The following CCDC50 variants were observed in gnomAD, a reference collection of about 807,000 sequenced individuals.
CCDC50 encodes coiled-coil domain containing 50, also known as coiled-coil domain-containing protein 50.
CCDC50 carries 54 observed loss-of-function variants against 70.2 expected under a neutral mutation model. That is an observed-to-expected ratio of 0.77 (90% CI 0.62 to 0.96). The LOEUF is 0.96. Among genes scored for constraint, CCDC50 ranks in the 50% least tolerant of loss-of-function variants. CCDC50 has a pLI of 0.00. For missense variants in CCDC50, 558 were observed against 578.7 expected (o/e 0.96, Z 0.37); for synonymous variants, 216 against 198.8 (o/e 1.09, Z -0.73).
chr3:191,360,045 A>G (rs1018600659), intron 3 of CCDC50, among the ~76,000 whole-genome samples: 1 of 152,206 alleles, frequency 6.6e-6, no homozygotes, highest in African/African-American at 2.4e-5. Flanking sequence ...CTAGAAGGGA[A>G]GTCTTTCAGT....
intron 1 of CCDC50, 49 bp downstream of exon 1, chr3:191,329,772 C>G (rs753595322): frequency 4.4e-6 from 7 of 1,582,632 alleles, no homozygotes; most frequent in South Asian, 1.2e-5. Flanking sequence ...TCTCCCAGCC[C>G]GAGGTTCTCT....
intron 10 of CCDC50, among the ~76,000 whole-genome samples, chr3:191,384,316 A>T (rs1246205478): frequency 1.3e-5 from 2 of 152,190 alleles, no homozygotes; most frequent in African/African-American, 4.8e-5. Context: ...GAATTTTATG[A>T]AACCTGTATT....
intron 1 of CCDC50, among the ~76,000 whole-genome samples, chr3:191,344,242 A>G (rs1711830590): frequency 6.6e-6 from 1 of 152,206 alleles, no homozygotes; most frequent in Admixed American, 6.5e-5. Context: ...CCAGTTGTCT[A>G]AATTAGTTCT....
At chr3:191,387,894 C>T (rs1053851083) in intron 10 of CCDC50, among the ~76,000 whole-genome samples, 1 of 152,022 alleles carries the variant, frequency 6.6e-6, no homozygotes, top group Non-Finnish European at 1.5e-5. Context: ...AACTACTAAC[C>T]CTGTTTTCTT....
chr3:191,368,359 C>T (rs1042734976), intron 4 of CCDC50, among the ~76,000 whole-genome samples: 3 of 151,982 alleles, frequency 2.0e-5, no homozygotes, highest in Admixed American at 2.0e-4. Flanking sequence ...GAAACTATTG[C>T]ATGGACATTT....
intron 1 of CCDC50, among the ~76,000 whole-genome samples, chr3:191,345,778 G>A (rs543927623): frequency 5.1e-4 from 78 of 152,250 alleles, no homozygotes; most frequent in African/African-American, 1.7e-3. Context: ...GATAAATTAC[G>A]TGAGAATGAA....
chr3:191,355,239 G>A (rs1712238384), intron 1 of CCDC50, among the ~76,000 whole-genome samples: 1 of 152,024 alleles, frequency 6.6e-6, no homozygotes, highest in African/African-American at 2.4e-5. Flanking sequence ...AGCTTTTCCA[G>A]TATAATAAAG....
At chr3:191,378,585 A>G (rs753520404) in intron 6 of CCDC50, among the ~76,000 whole-genome samples, 1 of 152,118 alleles carries the variant, frequency 6.6e-6, no homozygotes, top group Non-Finnish European at 1.5e-5. Context: ...ATAGCAGACT[A>G]TCTTGTCCAC....
intron 1 of CCDC50, among the ~76,000 whole-genome samples, chr3:191,338,958 G>T (rs1711614916): frequency 1.3e-5 from 2 of 152,256 alleles, no homozygotes; most frequent in South Asian, 4.2e-4. Flanking sequence ...TTCTTAGATA[G>T]TATTGGGTTC....
rs1335722682 is a variant in CCDC50, at chr3:191,370,037, G to A, written c.448+1G>A. The A allele has an allele frequency of 1.3e-6, 2 of 1,556,592 alleles. No individual in the cohort carries two copies. Among genetic ancestry groups the A allele is most frequent in the African/African-American group, 1.4e-5 (1 of 73,728 alleles). ...GATAGTTACTATTATGAAGATGGAG[G>A]TAACAATTCCTGCATCATGATCTAT... On this transcript the variant is annotated splice_donor_variant, in intron 5 of 11. Coordinates refer to ENST00000392455, the MANE Select transcript of CCDC50 (RefSeq NM_178335.3). LOFTEE classifies it high-confidence loss of function.
intron 4 of CCDC50, among the ~76,000 whole-genome samples, chr3:191,364,615 C>A (rs940285637): frequency 6.6e-6 from 1 of 151,096 alleles, no homozygotes; most frequent in Non-Finnish European, 1.5e-5. Context: ...TTTTTCTGAA[C>A]AACATTGTGT....
At chr3:191,354,472 A>T (rs1011468778) in intron 1 of CCDC50, among the ~76,000 whole-genome samples, 2 of 152,216 alleles carry the variant, frequency 1.3e-5, no homozygotes, top group Non-Finnish European at 1.5e-5. Context: ...ATGATTCTCC[A>T]CATGGAAAAA....
intron 5 of CCDC50, chr3:191,370,378 C>T (rs1712864627): frequency 3.4e-6 from 1 of 291,622 alleles, no homozygotes; most frequent in South Asian, 3.0e-5. Context: ...CCCCACCCCA[C>T]AACAGGCCCC....
chr3:191,369,184 G>C (rs554259001), intron 4 of CCDC50, among the ~76,000 whole-genome samples: 1 of 152,002 alleles, frequency 6.6e-6, no homozygotes, highest in African/African-American at 2.4e-5. Context: ...CTAACACAAC[G>C]CAAAATCTTG....
intron 1 of CCDC50, among the ~76,000 whole-genome samples, chr3:191,350,128 T>C (rs750136541): frequency 1.4e-5 from 2 of 140,920 alleles, no homozygotes; most frequent in African/African-American, 2.5e-5. Context: ...AAAATGGGGA[T>C]GTTGATAAAG....
rs567399452 is a variant in CCDC50 at position 191,347,716 on chromosome 3, A to C, written c.50-9372A>C. On this transcript the variant is annotated intron_variant, in intron 1 of 11. Transcript: ENST00000392455. ...ATCCTATTAGGCAACATATCCTTTC[A>C]TTATAATAAAGCTGAAATTCCAGGT... 6.3e-5 allele frequency among the ~76,000 whole-genome samples: 9 copies of C among 141,978 alleles called. 1 individual carries two copies. Among genetic ancestry groups the C allele is most frequent in the African/African-American group, 2.3e-4 (9 of 39,818 alleles). 93.1% of individuals were successfully genotyped at this position (141,978 alleles called of 152,430 possible).
intron 6 of CCDC50, among the ~76,000 whole-genome samples, chr3:191,377,488 T>C (rs958621677): frequency 2.0e-5 from 3 of 152,182 alleles, no homozygotes; most frequent in African/African-American, 7.2e-5. Context: ...CTTTCGGAGT[T>C]ACTTCTCTAT....
At chr3:191,366,982 C>A (rs1712715716) in intron 4 of CCDC50, among the ~76,000 whole-genome samples, 1 of 152,156 alleles carries the variant, frequency 6.6e-6, no homozygotes, top group Non-Finnish European at 1.5e-5. Flanking sequence ...TGACAAAACT[C>A]ATTGCATAGT....
intron 4 of CCDC50, among the ~76,000 whole-genome samples, chr3:191,368,510 A>G (rs1356365550): frequency 6.6e-6 from 1 of 152,110 alleles, no homozygotes; most frequent in East Asian, 1.9e-4. Context: ...GAGGATATGG[A>G]TAAATATTGC....
Sources: allele counts gnomAD v4.1 joint callset (sites outside exome capture counted in the v4.1 genomes callset), GRCh38; gene constraint gnomAD v4.1.1; transcripts MANE v1.5; gene names NCBI Gene and HGNC (gene_info 2026-07-23, HGNC 2026-07-21).